CROCC: variants seen among roughly 807,000 people sequenced by gnomAD.
CROCC encodes ciliary rootlet coiled-coil, rootletin.
A neutral mutation model predicts 245.2 loss-of-function variants in CROCC; 180 were observed. The ratio of observed to expected loss-of-function variants is 0.73; its 90% CI spans 0.65 to 0.83. CROCC has a LOEUF of 0.83. CROCC is among the 40% of genes least tolerant of loss of function. The pLI, the probability that CROCC is intolerant of heterozygous loss-of-function variation, is 0.00. For missense variants in CROCC, 2,688 were observed against 2,779.4 expected, an observed-to-expected ratio of 0.97 and a Z score of 0.74; for synonymous variants, 1,205 against 1,241.6, an observed-to-expected ratio of 0.97 and a Z score of 0.62.
intron 3 of CROCC, among the ~76,000 whole-genome samples, chr1:16,926,119 C>T (rs1206127447): frequency 3.3e-5 from 5 of 152,270 alleles, no homozygotes; most frequent in African/African-American, 1.2e-4. Flanking sequence ...AGAAAGCTCC[C>T]TCCTGTGGTT....
chr1:16,963,883 C>A (rs949476519), intron 27 of CROCC, among the ~76,000 whole-genome samples: 2 of 152,132 alleles, frequency 1.3e-5, no homozygotes, highest in Admixed American at 6.5e-5. Context: ...GCAACCTCCG[C>A]CTGCTGGGTT....
At chr1:16,938,003 C>T (rs2075830025) in intron 10 of CROCC, among the ~76,000 whole-genome samples, 1 of 152,270 alleles carries the variant, frequency 6.6e-6, no homozygotes, top group African/African-American at 2.4e-5. Flanking sequence ...GTCTCAGAGC[C>T]ACTAAGCGGG....
chr1:16,950,376 G>C (rs1425807974), intron 19 of CROCC, among the ~76,000 whole-genome samples: 1 of 150,024 alleles, frequency 6.7e-6, no homozygotes, highest in Non-Finnish European at 1.5e-5. Context: ...TTGTTTTTTT[G>C]AGGCAGAGTC....
intron 3 of CROCC, among the ~76,000 whole-genome samples, chr1:16,927,537 G>C (rs1229763475): frequency 3.3e-5 from 5 of 152,244 alleles, no homozygotes; most frequent in African/African-American, 9.6e-5. Flanking sequence ...CCACAACATA[G>C]ACCTTCAGCC....
intron 20 of CROCC, 112 bp downstream of exon 20, chr1:16,951,234 G>T: frequency 2.0e-6 from 2 of 1,018,966 alleles, no homozygotes; most frequent in Non-Finnish European, 2.7e-6. Flanking sequence ...CTGTTGTGGA[G>T]GTCCTGGGGA....
intron 10 of CROCC, 72 bp from the exon 11 acceptor site, chr1:16,938,328 T>C: frequency 7.2e-7 from 1 of 1,395,694 alleles, no homozygotes; most frequent in Non-Finnish European, 9.8e-7. Flanking sequence ...GTGGGCCAGG[T>C]AGGGAGGGAA....
chr1:16,969,685 T>G, intron 32 of CROCC, 100 bp from the exon 33 acceptor site: 2 of 1,483,354 alleles, frequency 1.3e-6, no homozygotes, highest in Non-Finnish European at 1.8e-6. Flanking sequence ...GTGAGATGAC[T>G]GCCTGTTTTA....
chr1:16,937,364 A>C (rs1365299834), intron 9 of CROCC, among the ~76,000 whole-genome samples: 1 of 152,064 alleles, frequency 6.6e-6, no homozygotes, highest in Non-Finnish European at 1.5e-5. Context: ...AAAAAAAAAA[A>C]ACAAAAAAAA....
In CROCC at chr1:16,956,015, G is replaced by C. The variant is rs1356457428; in HGVS notation, c.3723G>C (p.Glu1241Asp). The change falls in exon 25 of 37, where the codon GAG becomes GAC. Residue 1241 changes from glutamate to aspartate, a missense_variant. This residue lies in a region of CROCC where 1,218 missense variants were observed against 1,286.3 expected (regional missense o/e 0.95). Coordinates refer to ENST00000375541, the MANE Select transcript of CROCC (RefSeq NM_014675.5). ...SERISLKLAN[E>D]DKEQKLALLE... ...TCTCCAGCCTGAAGCTTGCCAATGAGGACAAGGAGCAGAAGCTGGCACTCC... is the reference window on the plus strand; with the variant it reads ...TCTCCAGCCTGAAGCTTGCCAATGACGACAAGGAGCAGAAGCTGGCACTCC... 1.3e-6 allele frequency: 2 copies of C among 1,550,828 alleles called. No homozygotes were observed. The highest frequency in any genetic ancestry group is 1.7e-6 in the Non-Finnish European group (2 of 1,147,022).
In CROCC at chr1:16,966,295, G is replaced by A; in HGVS notation, c.4697-113G>A. The A allele has an allele frequency of 2.1e-6, 3 of 1,432,340 alleles. No individual in the cohort carries two copies. The highest frequency in any genetic ancestry group is 2.8e-6 in the Non-Finnish European group (3 of 1,083,790). 88.7% of individuals were successfully genotyped at this position (1,432,340 alleles called of 1,614,324 possible). A position where few individuals can be genotyped will look rare whatever the true frequency, so the allele number is the denominator to read the frequency against. ...TGTGCAGGCCCGCATACTACGAAGG[G>A]TGCAGACAGTCTGGCCCTGCACTGG... On this transcript the variant is annotated intron_variant, in intron 29 of 36. Coordinates refer to ENST00000375541, the MANE Select transcript of CROCC (RefSeq NM_014675.5). The surrounding 1 kb of genome is among the most constrained non-coding windows in gnomAD (Gnocchi z 4.8).
At position 16,951,018 on chromosome 1, in the gene CROCC, C is replaced by G. The variant is rs1193343922; in HGVS notation, c.2902C>G (p.Leu968Val). 6.2e-7 allele frequency: 1 copy of G among 1,607,134 alleles called. No homozygotes were observed. Among genetic ancestry groups the G allele is most frequent in the Non-Finnish European group, 8.5e-7 (1 of 1,177,720 alleles). ...GGAGAAAGCCAGTCTAGACAAGGAG[C>G]TGATGGCCCAGAAGCTGGTGCAGGC... ...TQEKASLDKE[L>V]MAQKLVQAER... is the part of the protein sequence containing the mutation. Residue 968 changes from leucine (L) to valine (V), a missense_variant, in exon 20 of 37, where the codon CTG becomes GTG. Leu to Val is a conservative substitution (Grantham distance 32, BLOSUM62 1). Transcript: ENST00000375541.
At position 16,946,952 on chromosome 1, in the gene CROCC, G is replaced by A. The variant is rs1351944505; in HGVS notation, c.2475G>A (p.Leu825=). The A allele has an allele frequency of 1.3e-6, 2 of 1,556,706 alleles. No homozygotes were observed. Among genetic ancestry groups the A allele is most frequent in the Admixed American group, 1.9e-5 (1 of 51,640 alleles). ...CATTGGAGCAGCAGCTCCCCACGCT[G>A]CGCCATGAGCGCAGCCAGCTGCAGG... ...QEALEQQLPT[L]RHERSQLQEQ... Residue 825 remains leucine (L), a synonymous_variant, in exon 17 of 37, where the codon CTG becomes CTA. Coordinates refer to ENST00000375541, the MANE Select transcript of CROCC (RefSeq NM_014675.5).
At chr1:16,953,256 G>A in intron 20 of CROCC, 46 bp from the exon 21 acceptor site, 1 of 1,528,354 alleles carries the variant, frequency 6.5e-7, no homozygotes, top group Non-Finnish European at 8.8e-7. Flanking sequence ...GGGTCTGCCT[G>A]GGCCCCCTCC....
chr1:16,960,354 T>G (rs2076310820), intron 26 of CROCC, among the ~76,000 whole-genome samples: 1 of 152,204 alleles, frequency 6.6e-6, no homozygotes, highest in Non-Finnish European at 1.5e-5. Context: ...AGCTCTGCAG[T>G]TTACTAACTC....
intron 17 of CROCC, among the ~76,000 whole-genome samples, chr1:16,947,614 G>A (rs1192431407): frequency 2.0e-5 from 3 of 152,246 alleles, no homozygotes; most frequent in Non-Finnish European, 2.9e-5. Flanking sequence ...CTTCATGCAA[G>A]GTCTATCCTG....
chr1:16,953,081 G>A, intron 20 of CROCC: 1 of 553,366 alleles, frequency 1.8e-6, no homozygotes, highest in Non-Finnish European at 3.2e-6. Flanking sequence ...CCTCCGCAGG[G>A]GACCATGTTC....
chr1:16,949,799 C>T (rs1243520047), intron 19 of CROCC, among the ~76,000 whole-genome samples: 4 of 152,234 alleles, frequency 2.6e-5, no homozygotes, highest in African/African-American at 9.6e-5. Flanking sequence ...GACAGAGTTT[C>T]ACTCTTGTTG....
chr1:16,936,579 T>G, intron 8 of CROCC, 58 bp from the exon 9 acceptor site: 2 of 1,476,448 alleles, frequency 1.4e-6, no homozygotes, highest in Non-Finnish European at 1.8e-6. Context: ...CAAGCATAGT[T>G]TTAATTTGTA....
chr1:16,914,204 G>T (rs1330288875), intron 1 of CROCC, among the ~76,000 whole-genome samples: 3 of 151,866 alleles, frequency 2.0e-5, no homozygotes, highest in African/African-American at 7.2e-5. Flanking sequence ...AGGAGGCCGC[G>T]CGCCTGGGGG....
Sources: gnomAD v4.1 joint callset for allele counts (sites outside exome capture counted in the v4.1 genomes callset) on GRCh38, gnomAD v4.1.1 for gene constraint, gnomAD v4.1.1 regional missense constraint, Gnocchi (gnomAD v3.1) non-coding constraint, MANE v1.5 for transcripts, NCBI Gene and HGNC (gene_info 2026-07-23, HGNC 2026-07-21) for gene names.